Variants in SPAG16 observed in about 807,000 individuals in gnomAD.
SPAG16 encodes the protein sperm associated antigen 16, also known as sperm-associated antigen 16 protein.
Under a neutral mutation model 80.4 loss-of-function variants are expected in SPAG16, and 86 were observed. The ratio of observed to expected loss-of-function variants is 1.07; its 90% CI spans 0.90 to 1.28. The LOEUF (loss-of-function observed/expected upper bound fraction) is 1.28. SPAG16 is among the 50% of genes most tolerant of loss of function. The pLI, the probability that SPAG16 is intolerant of heterozygous loss-of-function variation, is 0.00. For missense variants in SPAG16, 870 were observed against 765.3 expected (o/e 1.14, Z -1.61); for synonymous variants, 294 against 265.9 (o/e 1.11, Z -1.03).
Position 214,086,957 on chromosome 2 carries a change from T to C in SPAG16, c.1528-21239T>C, listed in dbSNP as rs557916847. Reference sequence around the variant, plus strand: ...GTTCTATTTTTTACTGCTCAACTCATTGATGTCAAGTAGTTACTACCAGAT... The same window carrying C: ...GTTCTATTTTTTACTGCTCAACTCACTGATGTCAAGTAGTTACTACCAGAT... On this transcript the variant is annotated intron_variant, in intron 13 of 15. Coordinates refer to ENST00000331683, the MANE Select transcript of SPAG16 (RefSeq NM_024532.5). Among the ~76,000 whole-genome samples the C allele has an allele frequency of 1.2e-3, 182 of 152,310 alleles. 2 individuals are homozygous for C. The highest frequency in any genetic ancestry group is 1.2e-3 in the Non-Finnish European group (83 of 68,020).
intron 12 of SPAG16, among the ~76,000 whole-genome samples, chr2:213,999,086 G>T (rs1289292882): frequency 6.6e-6 from 1 of 152,198 alleles, no homozygotes; most frequent in Admixed American, 6.5e-5. Flanking sequence ...GCCAGCTGCA[G>T]AAATTTGCAT....
chr2:213,479,640 T>C (rs2073644015), intron 9 of SPAG16, among the ~76,000 whole-genome samples: 1 of 152,174 alleles, frequency 6.6e-6, no homozygotes, highest in Admixed American at 6.6e-5. Flanking sequence ...CCTCCACCAT[T>C]TGTTGGAACT....
At chr2:213,853,951 C>T (rs1161478024) in intron 10 of SPAG16, among the ~76,000 whole-genome samples, 1 of 152,072 alleles carries the variant, frequency 6.6e-6, no homozygotes, top group East Asian at 1.9e-4. Flanking sequence ...GCTTTTCCCC[C>T]AAGATTAGCA....
intron 9 of SPAG16, among the ~76,000 whole-genome samples, chr2:213,433,653 G>A (rs775582949): frequency 2.6e-5 from 4 of 152,076 alleles, no homozygotes; most frequent in Non-Finnish European, 5.9e-5. Flanking sequence ...AAAATTAATG[G>A]TATTAAAATG....
intron 10 of SPAG16, among the ~76,000 whole-genome samples, chr2:213,677,436 A>T (rs1015983910): frequency 6.6e-6 from 1 of 152,108 alleles, no homozygotes; most frequent in African/African-American, 2.4e-5. Flanking sequence ...TACCAAGCAA[A>T]TGGAAAACAA....
chr2:214,064,673 A>C (rs2050447684), intron 13 of SPAG16, among the ~76,000 whole-genome samples: 1 of 152,138 alleles, frequency 6.6e-6, no homozygotes, highest in Non-Finnish European at 1.5e-5. Context: ...AACAGATTTC[A>C]GCTGTTCATT....
At chr2:214,231,086 GT>G (rs796716773) in intron 15 of SPAG16, among the ~76,000 whole-genome samples, 2 of 151,866 alleles carry the variant, frequency 1.3e-5, no homozygotes, top group South Asian at 2.1e-4. Context: ...ATAATGCTTG[GT>G]GTCCTATGTC....
chr2:214,083,144 A>G (rs1239618740), intron 13 of SPAG16, among the ~76,000 whole-genome samples: 2 of 152,156 alleles, frequency 1.3e-5, no homozygotes, highest in African/African-American at 2.4e-5. Context: ...ATTAGGAAGG[A>G]GGGTTTATTC....
intron 10 of SPAG16, among the ~76,000 whole-genome samples, chr2:213,626,802 C>T (rs2061977954): frequency 6.6e-6 from 1 of 151,824 alleles, no homozygotes; most frequent in African/African-American, 2.4e-5. Flanking sequence ...TGCATGCCAC[C>T]ACACCTGGCT....
In SPAG16 at chr2:213,817,372, T is replaced by C. The variant is rs144134423; in HGVS notation, c.1071-45113T>C. On this transcript the variant is annotated intron_variant, in intron 10 of 15. Transcript: ENST00000331683. ...TGGTGAGACTAACAGAGAAACACTA[T>C]ATACACTGTTAGTGGGAAAGTAAAT... Among the ~76,000 whole-genome samples the C allele has an allele frequency of 5.1e-3, 767 of 151,356 alleles. 3 individuals carry two copies. Among genetic ancestry groups the C allele is most frequent in the Middle Eastern group, 0.01 (3 of 292 alleles).
chr2:214,314,159 A>T (rs1036120488), intron 15 of SPAG16, among the ~76,000 whole-genome samples: 1 of 152,188 alleles, frequency 6.6e-6, no homozygotes, highest in Non-Finnish European at 1.5e-5. Flanking sequence ...GCTTCTGGAA[A>T]TAATTTTAAT....
intron 12 of SPAG16, among the ~76,000 whole-genome samples, chr2:213,975,645 A>T (rs764935963): frequency 2.6e-5 from 4 of 152,004 alleles, no homozygotes; most frequent in Non-Finnish European, 5.9e-5. Context: ...ACCTGTTAAT[A>T]CATTAGAAAA....
chr2:213,410,489 C>A (rs2068905291), intron 9 of SPAG16, among the ~76,000 whole-genome samples: 2 of 152,194 alleles, frequency 1.3e-5, no homozygotes, highest in Admixed American at 6.5e-5. Flanking sequence ...CGATGTAGAG[C>A]TTTTATGCTG....
intron 13 of SPAG16, among the ~76,000 whole-genome samples, chr2:214,097,492 T>C (rs1278340968): frequency 6.6e-6 from 1 of 152,014 alleles, no homozygotes; most frequent in Admixed American, 6.6e-5. Flanking sequence ...AGCTGTCAGA[T>C]GGTTGTGACA....
chr2:213,335,445 T>C (rs1559422402), intron 5 of SPAG16, among the ~76,000 whole-genome samples: 1 of 152,162 alleles, frequency 6.6e-6, no homozygotes. Flanking sequence ...AAAATAACCA[T>C]TAATTTTTGT....
chr2:214,063,006 C>A (rs2050354044), intron 13 of SPAG16, among the ~76,000 whole-genome samples: 1 of 151,834 alleles, frequency 6.6e-6, no homozygotes, highest in Non-Finnish European at 1.5e-5. Flanking sequence ...TATATTTAAC[C>A]CAACATTTCA....
At chr2:214,359,678 G>A (rs1481590253) in intron 15 of SPAG16, among the ~76,000 whole-genome samples, 1 of 151,712 alleles carries the variant, frequency 6.6e-6, no homozygotes, top group Non-Finnish European at 1.5e-5. Flanking sequence ...AATCTAAGAG[G>A]ATTTTCAAGA....
chr2:213,733,499 ATT>A (rs60768952), intron 10 of SPAG16, among the ~76,000 whole-genome samples: 57,676 of 123,510 alleles, frequency 0.47, 13,023 homozygotes, highest in Non-Finnish European at 0.55. Flanking sequence ...TTATGAAGGG[ATT>A]TTTTTTTTTT....
chr2:213,561,871 T>A lies in SPAG16; in HGVS notation c.1070+71781T>A, dbSNP rs1232039857. Among the ~76,000 whole-genome samples the A allele has an allele frequency of 6.6e-5, 10 of 152,334 alleles. No homozygotes were observed. The East Asian group carries it at 1.5e-3, about 23-fold the overall frequency. ...ATGTAATGATATTGTGCTAGGTCCC[T>A]TGGCCACCTATTATTCTGAAATTTC... On this transcript the variant is annotated intron_variant, in intron 10 of 15. Coordinates refer to ENST00000331683, the MANE Select transcript of SPAG16 (RefSeq NM_024532.5).
Sources: gnomAD v4.1 joint callset for allele counts (sites outside exome capture counted in the v4.1 genomes callset) on GRCh38, gnomAD v4.1.1 for gene constraint, MANE v1.5 for transcripts, NCBI Gene and HGNC (gene_info 2026-07-23, HGNC 2026-07-21) for gene names.